BACE1: variants seen among roughly 807,000 people sequenced by gnomAD.
BACE1 encodes the protein APP beta-secretase.
A neutral mutation model predicts 54.0 loss-of-function variants in BACE1; 21 were observed. The ratio of observed to expected loss-of-function variants is 0.39; its 90% CI spans 0.28 to 0.56. The LOEUF (loss-of-function observed/expected upper bound fraction) is 0.56, where lower values mean the gene tolerates loss of function less well. Ranked by LOEUF, BACE1 falls within the 20% of genes least tolerant of loss-of-function variation. The pLI is 0.63. For missense variants in BACE1, 511 were observed against 661.2 expected (o/e 0.77, Z 2.49); for synonymous variants, 232 against 260.9 (o/e 0.89, Z 1.07).
intron 8 of BACE1, among the ~76,000 whole-genome samples, chr11:117,290,174 A>G (rs1453283250): frequency 6.6e-6 from 1 of 152,138 alleles, no homozygotes; most frequent in Non-Finnish European, 1.5e-5. Context: ...ATTCAGCCTC[A>G]CCATGTGGCA....
intron 6 of BACE1, among the ~76,000 whole-genome samples, chr11:117,291,411 A>T (rs1235760911): frequency 1.3e-5 from 2 of 151,862 alleles, no homozygotes; most frequent in Admixed American, 1.3e-4. Flanking sequence ...CTGAGTAGCT[A>T]GGATTACAGG....
chr11:117,310,205 T>C (rs583161), intron 1 of BACE1, among the ~76,000 whole-genome samples: 121,469 of 152,134 alleles, frequency 0.8, 49,279 homozygotes, highest in African/African-American at 0.93. Context: ...CTGCTGAACC[T>C]GGCCCTTTCG....
Position 117,289,426 on chromosome 11 carries a change from T to C in BACE1, c.*140A>G. The C allele has an allele frequency of 7.2e-7, 1 of 1,393,796 alleles. No individual in the cohort carries two copies. Among genetic ancestry groups the C allele is most frequent in the Non-Finnish European group, 9.5e-7 (1 of 1,052,074 alleles). The allele number at this position is 1,393,796 out of a possible 1,614,324, so 86.3% of individuals were successfully genotyped here. ...ACCTTGCCAGCCTTTTCCTTCTCCA[T>C]CAAGGCAGAGGCATTTGGTGGGTGG... On this transcript the variant is annotated 3_prime_UTR_variant, in exon 9 of 9. Coordinates refer to ENST00000313005, the MANE Select transcript of BACE1 (RefSeq NM_012104.6).
chr11:117,303,254 G>A (rs1463200772), intron 1 of BACE1, among the ~76,000 whole-genome samples: 1 of 152,166 alleles, frequency 6.6e-6, no homozygotes, highest in Non-Finnish European at 1.5e-5. Flanking sequence ...GTCCCCTGGG[G>A]TCAGGCAGAC....
At chr11:117,303,488 G>T (rs1176035610) in intron 1 of BACE1, among the ~76,000 whole-genome samples, 1 of 152,216 alleles carries the variant, frequency 6.6e-6, no homozygotes, top group Non-Finnish European at 1.5e-5. Context: ...TATGGAGCTG[G>T]CAAGCTTAGG....
intron 1 of BACE1, among the ~76,000 whole-genome samples, chr11:117,302,609 G>A (rs563257343): frequency 2.9e-4 from 44 of 152,330 alleles, no homozygotes; most frequent in African/African-American, 9.6e-4. Context: ...CAGGCCAGGC[G>A]CGGTGGCTCA....
intron 1 of BACE1, among the ~76,000 whole-genome samples, chr11:117,297,709 A>T (rs2034636452): frequency 1.3e-5 from 2 of 152,310 alleles, no homozygotes; most frequent in South Asian, 4.1e-4. Context: ...TTTTTATATG[A>T]ATGAAACCTC....
chr11:117,294,072 G>A, intron 3 of BACE1, 64 bp from the exon 4 acceptor site: 3 of 1,549,512 alleles, frequency 1.9e-6, no homozygotes, highest in Non-Finnish European at 2.6e-6. Context: ...CCAGCTTCCT[G>A]TCTAAACTGG....
Position 117,287,216 on chromosome 11 carries a change from G to A in BACE1, c.*2350C>T, listed in dbSNP as rs1335124275. The A allele has an allele frequency of 2.6e-5, 4 of 152,248 alleles. No homozygotes were observed. The highest frequency in any genetic ancestry group is 4.8e-5 in the African/African-American group (2 of 41,412). The allele number at this position is 152,248 out of a possible 1,614,324, so 9.4% of individuals were successfully genotyped here. A position where few individuals can be genotyped will look rare whatever the true frequency, so the allele number is the denominator to read the frequency against. Reference sequence around the variant, plus strand: ...TGTGCATGGGAGCGAGCGCCTCAGTGTTACTCTTTCTTGTTCAGGATCAGT... The same window carrying A: ...TGTGCATGGGAGCGAGCGCCTCAGTATTACTCTTTCTTGTTCAGGATCAGT... On this transcript the variant is annotated 3_prime_UTR_variant, in exon 9 of 9. Transcript: ENST00000313005.
rs2034350065 is a variant in BACE1 at position 117,289,439 on chromosome 11, A to T, written c.*127T>A. ...TTTCCTTCTCCATCAAGGCAGAGGC[A>T]TTTGGTGGGTGGGGAGGGTCCTGAG... On this transcript the variant is annotated 3_prime_UTR_variant, in exon 9 of 9. Coordinates refer to ENST00000313005, the MANE Select transcript of BACE1 (RefSeq NM_012104.6). The T allele has an allele frequency of 1.4e-6, 2 of 1,442,900 alleles. No individual in the cohort carries two copies. Among genetic ancestry groups the T allele is most frequent in the Non-Finnish European group, 1.8e-6 (2 of 1,087,920 alleles). 89.4% of individuals were successfully genotyped at this position (1,442,900 alleles called of 1,614,324 possible).
intron 2 of BACE1, among the ~76,000 whole-genome samples, chr11:117,296,369 C>T (rs534722233): frequency 6.6e-6 from 1 of 152,126 alleles, no homozygotes; most frequent in South Asian, 2.1e-4. Flanking sequence ...TGATACTGGT[C>T]TAGGCAGAGG....
Position 117,289,257 on chromosome 11 carries a change from A to T in BACE1, c.*309T>A. ...GAATACTTTGGGTTGGAGAATTTAA[A>T]GGAATGGTGGACAAAGGTTCAGGGC... On this transcript the variant is annotated 3_prime_UTR_variant, in exon 9 of 9. Transcript: ENST00000313005. The T allele has an allele frequency of 6.3e-6, 2 of 319,316 alleles. No individual in the cohort carries two copies. The highest frequency in any genetic ancestry group is 1.2e-5 in the Non-Finnish European group (2 of 169,514). The allele number at this position is 319,316 out of a possible 1,614,324, so 19.8% of individuals were successfully genotyped here.
intron 1 of BACE1, among the ~76,000 whole-genome samples, chr11:117,301,121 C>G (rs908633514): frequency 1.3e-5 from 2 of 152,190 alleles, no homozygotes; most frequent in Non-Finnish European, 2.9e-5. Flanking sequence ...TTCTCAGGTC[C>G]TGTGTTCTCT....
rs372397813 is a variant in BACE1, at chr11:117,304,878, T to A, written c.262-7917A>T. ...TAATTGTTACCTAGCCCTGAGTAGATGCTCCGTAATGATTTTTTTTTTAAT... is the reference window on the plus strand; with the variant it reads ...TAATTGTTACCTAGCCCTGAGTAGAAGCTCCGTAATGATTTTTTTTTTAAT... On this transcript the variant is annotated intron_variant, in intron 1 of 8. Transcript: ENST00000313005. 1.2e-4 allele frequency among the ~76,000 whole-genome samples: 18 copies of A among 152,128 alleles called. No individual in the cohort carries two copies. The East Asian group carries it at 2.1e-3, about 18-fold the overall frequency.
chr11:117,309,522 G>T (rs1000767622), intron 1 of BACE1, among the ~76,000 whole-genome samples: 1 of 151,986 alleles, frequency 6.6e-6, no homozygotes, highest in African/African-American at 2.4e-5. Context: ...GGAGGCTGAG[G>T]CGGGTGGATC....
Position 117,290,906 on chromosome 11 carries a change from A to T in BACE1, c.1086T>A (p.Leu362=). Residue 362 remains leucine, a synonymous_variant, in exon 7 of 9, where the codon CTT becomes CTA. Transcript: ENST00000313005. The part of the protein sequence containing the change: ...VTNQSFRITI[L]PQQYLRPVED... ...GACTCAGGCTGGGACATACCTGCGGAAGGATGGTGATGCGGAAGGACTGGT... is the reference window on the plus strand; with the variant it reads ...GACTCAGGCTGGGACATACCTGCGGTAGGATGGTGATGCGGAAGGACTGGT... 1 of 1,613,930 alleles carries T rather than the reference A, an allele frequency of 6.2e-7. No homozygotes were observed. Among genetic ancestry groups the T allele is most frequent in the Non-Finnish European group, 8.5e-7 (1 of 1,179,978 alleles).
chr11:117,292,049 A>G, intron 5 of BACE1: 1 of 305,994 alleles, frequency 3.3e-6, no homozygotes, highest in East Asian at 5.7e-5. Flanking sequence ...TCAGCAATGT[A>G]AAGCACTTAG....
intron 1 of BACE1, among the ~76,000 whole-genome samples, chr11:117,309,346 G>A (rs928575173): frequency 3.3e-5 from 5 of 152,278 alleles, no homozygotes; most frequent in Admixed American, 1.3e-4. Context: ...AGTCCTGTCA[G>A]CCCCATGGCA....
chr11:117,295,097 T>C (rs2034563436), intron 3 of BACE1, 34 bp downstream of exon 3: 1 of 1,573,490 alleles, frequency 6.4e-7, no homozygotes, highest in Admixed American at 1.7e-5. Context: ...GCAGTGTGCA[T>C]AGAGTGTGTA....
Sources: gnomAD v4.1 joint callset for allele counts (sites outside exome capture counted in the v4.1 genomes callset) on GRCh38, gnomAD v4.1.1 for gene constraint, MANE v1.5 for transcripts, NCBI Gene and HGNC (gene_info 2026-07-23, HGNC 2026-07-21) for gene names.